NLGN1: variants seen among roughly 807,000 people sequenced by gnomAD.
NLGN1 encodes the protein neuroligin-1.
In NLGN1, 12 loss-of-function variants were observed where a neutral mutation model predicts 65.5. That is an observed-to-expected ratio of 0.18 (90% CI 0.12 to 0.30). The LOEUF (loss-of-function observed/expected upper bound fraction) is 0.30, where lower values mean the gene tolerates loss of function less well. Among genes scored for constraint, NLGN1 ranks in the 10% least tolerant of loss-of-function variants. NLGN1 has a pLI of 1.00. For synonymous variants in NLGN1, 350 were observed against 359.5 expected, an observed-to-expected ratio of 0.97 and a Z score of 0.30; for missense variants, 750 against 1,007.1, an observed-to-expected ratio of 0.74 and a Z score of 3.46.
At chr3:173,856,157 A>G (rs1578813762) in intron 4 of NLGN1, among the ~76,000 whole-genome samples, 1 of 152,244 alleles carries the variant, frequency 6.6e-6, no homozygotes, top group Admixed American at 6.5e-5. Flanking sequence ...TTAAGCATGG[A>G]TAAATACCAA....
intron 2 of NLGN1, among the ~76,000 whole-genome samples, chr3:173,439,818 C>A (rs1286734312): frequency 6.6e-6 from 1 of 152,064 alleles, no homozygotes; most frequent in Non-Finnish European, 1.5e-5. Flanking sequence ...GCTGGAGGGT[C>A]TTGCCTTGAT....
intron 4 of NLGN1, among the ~76,000 whole-genome samples, chr3:173,925,483 C>T (rs1448605159): frequency 6.6e-6 from 1 of 152,158 alleles, no homozygotes; most frequent in African/African-American, 2.4e-5. Flanking sequence ...TACCTGGACC[C>T]AGTATAGAGT....
chr3:173,751,951 T>C (rs1776363872), intron 3 of NLGN1, among the ~76,000 whole-genome samples: 1 of 152,072 alleles, frequency 6.6e-6, no homozygotes, highest in African/African-American at 2.4e-5. Context: ...TTTGAATCTT[T>C]TTCTGACTCT....
chr3:174,112,757 A>G (rs1410379315), intron 4 of NLGN1, among the ~76,000 whole-genome samples: 1 of 151,976 alleles, frequency 6.6e-6, no homozygotes, highest in Admixed American at 6.6e-5. Context: ...TTCTAAAAAT[A>G]TGTTAGATTA....
At chr3:174,129,631 C>G (rs1186247642) in intron 4 of NLGN1, among the ~76,000 whole-genome samples, 2 of 152,098 alleles carry the variant, frequency 1.3e-5, no homozygotes, top group African/African-American at 4.8e-5. Flanking sequence ...AGCTATGCTG[C>G]TGAGGGGGAT....
At chr3:173,775,027 T>C (rs1780098725) in intron 3 of NLGN1, among the ~76,000 whole-genome samples, 1 of 152,176 alleles carries the variant, frequency 6.6e-6, no homozygotes, top group South Asian at 2.1e-4. Flanking sequence ...TTTAAAGCCT[T>C]TATAAGTGCA....
At chr3:173,639,852 G>A (rs1757129369) in intron 3 of NLGN1, among the ~76,000 whole-genome samples, 1 of 152,088 alleles carries the variant, frequency 6.6e-6, no homozygotes, top group Admixed American at 6.6e-5. Context: ...TGTTTGTGGA[G>A]TCTTCTTCCT....
intron 4 of NLGN1, among the ~76,000 whole-genome samples, chr3:174,004,081 A>C (rs1233946104): frequency 6.6e-6 from 1 of 152,162 alleles, no homozygotes; most frequent in African/African-American, 2.4e-5. Flanking sequence ...GTCACTTAAA[A>C]TATGGTTCTC....
At chr3:173,840,816 T>C (rs1724629632) in intron 4 of NLGN1, among the ~76,000 whole-genome samples, 1 of 152,192 alleles carries the variant, frequency 6.6e-6, no homozygotes, top group Non-Finnish European at 1.5e-5. Context: ...TTAACCACAG[T>C]GCAGCTACAA....
chr3:173,667,254 CACACACACACACACGT>C (rs1761839519), intron 3 of NLGN1, among the ~76,000 whole-genome samples: 1 of 151,948 alleles, frequency 6.6e-6, no homozygotes, highest in Admixed American at 6.6e-5. Flanking sequence ...CACACACACA[CACACACACACACACGT>C]ACAGCACTGT....
chr3:173,436,532 T>G (rs1046946443), intron 2 of NLGN1, among the ~76,000 whole-genome samples: 3 of 152,226 alleles, frequency 2.0e-5, no homozygotes, highest in Non-Finnish European at 2.9e-5. Context: ...GCATTAATTT[T>G]AGGCGTGGTT....
rs770646234 is a variant in NLGN1 at position 173,604,428 on chromosome 3, A to G, written c.-171A>G. 3.5e-5 allele frequency: 24 copies of G among 694,474 alleles called. No homozygotes were observed. The highest frequency in any genetic ancestry group is 5.8e-5 in the Non-Finnish European group (23 of 398,414). The allele number at this position is 694,474 out of a possible 1,614,324, so 43.0% of individuals were successfully genotyped here. On this transcript the variant is annotated 5_prime_UTR_variant, in exon 3 of 7. It removes an upstream start codon present in the reference 5' UTR. Coordinates refer to ENST00000457714, the Ensembl canonical transcript of NLGN1. Reference sequence around the variant, plus strand: ...ATGATTGAAGATGCTGCTCCAATACATGTGAAATCAATGGGAGATATCTGC... The same window carrying G: ...ATGATTGAAGATGCTGCTCCAATACGTGTGAAATCAATGGGAGATATCTGC...
intron 4 of NLGN1, among the ~76,000 whole-genome samples, chr3:174,238,318 C>A (rs1431480257): frequency 2.3e-5 from 3 of 132,982 alleles, no homozygotes; most frequent in Non-Finnish European, 5.1e-5. Context: ...TCTGTTTTTT[C>A]TTTTTTATTT....
chr3:174,095,749 C>T (rs984328338), intron 4 of NLGN1, among the ~76,000 whole-genome samples: 3 of 151,930 alleles, frequency 2.0e-5, no homozygotes, highest in African/African-American at 7.3e-5. Flanking sequence ...CCTGTAATCC[C>T]AGCACTTTGG....
chr3:173,488,750 T>C (rs937413236), intron 2 of NLGN1, among the ~76,000 whole-genome samples: 9 of 152,078 alleles, frequency 5.9e-5, no homozygotes, highest in African/African-American at 2.2e-4. Context: ...TTTGATCTTA[T>C]TTATTCTACT....
chr3:173,700,438 C>T (rs900234219), intron 3 of NLGN1, among the ~76,000 whole-genome samples: 1 of 152,146 alleles, frequency 6.6e-6, no homozygotes, highest in African/African-American at 2.4e-5. Flanking sequence ...GTACTTTGTA[C>T]TCTACAGGCA....
intron 4 of NLGN1, among the ~76,000 whole-genome samples, chr3:174,250,301 A>G (rs1389373329): frequency 1.3e-5 from 2 of 152,242 alleles, no homozygotes; most frequent in Non-Finnish European, 2.9e-5. Context: ...AGTCACCATT[A>G]TTATTAATTG....
At chr3:174,024,245 A>G (rs1728382935) in intron 4 of NLGN1, among the ~76,000 whole-genome samples, 2 of 151,732 alleles carry the variant, frequency 1.3e-5, no homozygotes, top group Non-Finnish European at 1.5e-5. Context: ...GGGAGAACAA[A>G]GGGATTTCAT....
chr3:173,631,320 A>G (rs1252932469), intron 3 of NLGN1, among the ~76,000 whole-genome samples: 1 of 151,876 alleles, frequency 6.6e-6, no homozygotes. Flanking sequence ...TAGATTATAT[A>G]TATCTCTTTA....
Sources: gnomAD v4.1 joint callset for allele counts (sites outside exome capture counted in the v4.1 genomes callset) on GRCh38, gnomAD v4.1.1 for gene constraint, MANE v1.5 for transcripts, NCBI Gene and HGNC (gene_info 2026-07-23, HGNC 2026-07-21) for gene names.